The following CTNNA2 variants were observed in gnomAD, a reference collection of about 807,000 sequenced individuals.
CTNNA2 encodes the protein catenin alpha 2.
In CTNNA2, 42 loss-of-function variants were observed where a neutral mutation model predicts 101.0. The ratio of observed to expected loss-of-function variants is 0.42; its 90% CI spans 0.32 to 0.54. CTNNA2 has a LOEUF of 0.54. CTNNA2 is among the 20% of genes least tolerant of loss of function. The pLI, the probability that CTNNA2 is intolerant of heterozygous loss-of-function variation, is 0.14. For synonymous variants in CTNNA2, 450 were observed against 456.4 expected (o/e 0.99, Z 0.18); for missense variants, 871 against 1,223.1 (o/e 0.71, Z 4.29).
At chr2:79,732,686 C>T (rs1234402327) in intron 2 of CTNNA2, among the ~76,000 whole-genome samples, 2 of 151,948 alleles carry the variant, frequency 1.3e-5, no homozygotes, top group South Asian at 2.1e-4. Context: ...TACGATGATA[C>T]AGTTAATATT....
intron 7 of CTNNA2, among the ~76,000 whole-genome samples, chr2:80,111,443 C>A (rs1478141825): frequency 2.6e-5 from 4 of 152,226 alleles, no homozygotes; most frequent in Admixed American, 2.6e-4. Context: ...GCTGTCCTCT[C>A]TGGCCAGTCA....
In CTNNA2 at chr2:80,647,895, GCT is replaced by G. The variant is rs1255760890; in HGVS notation, c.*24_*25del. 4 of 1,533,804 alleles carry G rather than the reference GCT, an allele frequency of 2.6e-6. No homozygotes were observed. The highest frequency in any genetic ancestry group is 3.5e-6 in the Non-Finnish European group (4 of 1,142,066). On this transcript the variant is annotated 3_prime_UTR_variant, in exon 19 of 19. Coordinates refer to ENST00000402739, the MANE Select transcript of CTNNA2 (RefSeq NM_001282597.3). ...TAGGACGATAGGTTTTAACAAGAAAGCTTTTTCTTTCTTTTCTTTCTTTCTTT... is the reference window on the plus strand; with the variant it reads ...TAGGACGATAGGTTTTAACAAGAAAGTTTTCTTTCTTTTCTTTCTTTCTTT...
intron 1 of CTNNA2, among the ~76,000 whole-genome samples, chr2:79,554,266 A>G (rs1674303982): frequency 6.6e-6 from 1 of 152,054 alleles, no homozygotes; most frequent in African/African-American, 2.4e-5. Context: ...GTTGGAACTG[A>G]TACGATAGCC....
chr2:80,071,634 C>G (rs923186265), intron 7 of CTNNA2, among the ~76,000 whole-genome samples: 1 of 152,084 alleles, frequency 6.6e-6, no homozygotes, highest in African/African-American at 2.4e-5. Context: ...CATTACAGGC[C>G]CTTACATCCA....
intron 3 of CTNNA2, among the ~76,000 whole-genome samples, chr2:79,326,786 A>G (rs1055539306): frequency 2.6e-5 from 4 of 152,190 alleles, no homozygotes; most frequent in Admixed American, 2.6e-4. Context: ...AACTTAATTG[A>G]AAAACCAAGT....
At chr2:80,515,165 TC>T (rs776545426) in intron 9 of CTNNA2, among the ~76,000 whole-genome samples, 142 of 148,570 alleles carry the variant, frequency 9.6e-4, no homozygotes, top group East Asian at 1.4e-3. Flanking sequence ...TTTTTTTTTT[TC>T]CCCCTTGGAA....
chr2:79,420,682 T>C (rs1040463732), intron 4 of CTNNA2, among the ~76,000 whole-genome samples: 1 of 152,072 alleles, frequency 6.6e-6, no homozygotes, highest in African/African-American at 2.4e-5. Flanking sequence ...TCTCAAAGAG[T>C]TGTTTAGAGG....
At chr2:79,623,650 T>C (rs1679128617) in intron 1 of CTNNA2, among the ~76,000 whole-genome samples, 1 of 152,172 alleles carries the variant, frequency 6.6e-6, no homozygotes, top group Non-Finnish European at 1.5e-5. Flanking sequence ...TGTTAGAATA[T>C]AGACCTGTAA....
At chr2:80,576,786 T>TAAAAAAAAAAAAAAAAA (rs1558606620) in intron 13 of CTNNA2, among the ~76,000 whole-genome samples, 1 of 112,122 alleles carries the variant, frequency 8.9e-6, no homozygotes, top group Non-Finnish European at 1.8e-5. Flanking sequence ...CTGTCTCTAC[T>TAAAAAAAAAAAAAAAAA]GAAAAAAAAA....
At chr2:80,366,008 C>G (rs1674899467) in intron 7 of CTNNA2, among the ~76,000 whole-genome samples, 1 of 152,054 alleles carries the variant, frequency 6.6e-6, no homozygotes, top group Non-Finnish European at 1.5e-5. Flanking sequence ...ATTAAACTGA[C>G]AGGGAACTCG....
At chr2:79,930,009 G>A (rs1687280554) in intron 7 of CTNNA2, among the ~76,000 whole-genome samples, 1 of 152,046 alleles carries the variant, frequency 6.6e-6, no homozygotes, top group African/African-American at 2.4e-5. Context: ...GGCTAAGGTG[G>A]ACAGATCACC....
At chr2:80,517,344 G>C (rs747782406) in intron 9 of CTNNA2, among the ~76,000 whole-genome samples, 1 of 152,170 alleles carries the variant, frequency 6.6e-6, no homozygotes, top group East Asian at 1.9e-4. Flanking sequence ...TGGGGACCAC[G>C]GATGGATTTG....
intron 3 of CTNNA2, among the ~76,000 whole-genome samples, chr2:79,338,575 A>ATCTTCTTTTTCT (rs1239699778): frequency 8.7e-6 from 1 of 115,422 alleles, no homozygotes; most frequent in African/African-American, 3.4e-5. Context: ...CTTCCTCCTC[A>ATCTTCTTTTTCT]TCATCTTCTT....
At chr2:79,511,639 A>C (rs1671544431), upstream of CTNNA2, among the ~76,000 whole-genome samples, 1 of 152,192 alleles carries the variant, frequency 6.6e-6, no homozygotes, top group Non-Finnish European at 1.5e-5. Flanking sequence ...GGACAAGAAA[A>C]AAGAAAGCCA....
intron 1 of CTNNA2, among the ~76,000 whole-genome samples, chr2:79,590,784 A>G (rs557907879): frequency 4.4e-4 from 67 of 152,324 alleles, no homozygotes; most frequent in African/African-American, 1.5e-3. Context: ...CTTTTCCACA[A>G]CTTATCTGAT....
rs116471674 is a variant in CTNNA2, at chr2:80,508,446, T to C, written c.1291-36536T>C. 5.0e-3 allele frequency among the ~76,000 whole-genome samples: 766 copies of C among 152,248 alleles called. 8 individuals carry two copies. The highest frequency in any genetic ancestry group is 0.018 in the African/African-American group (732 of 41,524). On this transcript the variant is annotated intron_variant, in intron 9 of 18. Transcript: ENST00000402739. ...GTTTCAGTTAGCCCAGATCTCACATTGTACTCCAGCCTGGACAACAGAGCC... is the reference window on the plus strand; with the variant it reads ...GTTTCAGTTAGCCCAGATCTCACATCGTACTCCAGCCTGGACAACAGAGCC...
At position 80,492,984 on chromosome 2, in the gene CTNNA2, G is replaced by T. The variant is rs377460658; in HGVS notation, c.1291-51998G>T. Among the ~76,000 whole-genome samples the T allele has an allele frequency of 4.8e-3, 729 of 152,264 alleles. 4 individuals carry two copies. The highest frequency in any genetic ancestry group is 0.016 in the South Asian group (77 of 4,818). On this transcript the variant is annotated intron_variant, in intron 9 of 18. Transcript: ENST00000402739. ...TCAGTAGGTTATTGGCTTCTTGGAG[G>T]CAGAGACCATAATTTTCACCTCTGT...
chr2:79,919,328 G>A (rs901675927), intron 7 of CTNNA2, among the ~76,000 whole-genome samples: 2 of 152,188 alleles, frequency 1.3e-5, no homozygotes, highest in Non-Finnish European at 2.9e-5. Flanking sequence ...AAATGAAAGA[G>A]GAGATGGAAA....
At chr2:80,374,181 A>G (rs1270999216) in intron 7 of CTNNA2, among the ~76,000 whole-genome samples, 3 of 152,194 alleles carry the variant, frequency 2.0e-5, no homozygotes, top group Non-Finnish European at 4.4e-5. Flanking sequence ...GGTAGTAAAC[A>G]TAGTAATCAA....
Sources: allele counts gnomAD v4.1 joint callset (sites outside exome capture counted in the v4.1 genomes callset), GRCh38; gene constraint gnomAD v4.1.1; transcripts MANE v1.5; gene names NCBI Gene and HGNC (gene_info 2026-07-23, HGNC 2026-07-21).